Variants in FOXP2 observed in about 807,000 individuals in gnomAD.
FOXP2 encodes forkhead box protein P2.
Under a neutral mutation model 115.8 loss-of-function variants are expected in FOXP2, and 12 were observed. The observed-to-expected ratio is 0.10, with a 90% CI of 0.07 to 0.17. The LOEUF (loss-of-function observed/expected upper bound fraction) is 0.17. Ranked by LOEUF, FOXP2 falls within the 10% of genes least tolerant of loss-of-function variation. The pLI, the probability that FOXP2 is intolerant of heterozygous loss-of-function variation, is 1.00. For missense variants in FOXP2, 629 were observed against 843.5 expected (o/e 0.75, Z 3.15); for synonymous variants, 328 against 297.7 (o/e 1.10, Z -1.05).
At chr7:114,191,842 T>C (rs1367486089) in intron 1 of FOXP2, among the ~76,000 whole-genome samples, 1 of 152,160 alleles carries the variant, frequency 6.6e-6, no homozygotes, top group African/African-American at 2.4e-5. Context: ...TTTTGACAAA[T>C]GTACGATGTC....
At chr7:114,476,908 G>A (rs777306336) in intron 2 of FOXP2, among the ~76,000 whole-genome samples, 5 of 151,978 alleles carry the variant, frequency 3.3e-5, no homozygotes, top group Middle Eastern at 3.4e-3. Context: ...AAAGTGCTCA[G>A]CATCACTAAT....
intron 2 of FOXP2, among the ~76,000 whole-genome samples, chr7:114,521,532 CAAA>C (rs34666914): frequency 3.7e-5 from 3 of 82,054 alleles, no homozygotes; most frequent in South Asian, 5.2e-4. Flanking sequence ...GACACTGTCT[CAAA>C]AAAAAAAAAA....
intron 2 of FOXP2, among the ~76,000 whole-genome samples, chr7:114,433,327 CAAAT>C (rs530873862): frequency 1.3e-5 from 2 of 151,768 alleles, no homozygotes; most frequent in Non-Finnish European, 2.9e-5. Flanking sequence ...AATTTCATAT[CAAAT>C]AAATAAAATC....
At chr7:114,092,044 C>T (rs557793096) in intron 1 of FOXP2, among the ~76,000 whole-genome samples, 1 of 152,022 alleles carries the variant, frequency 6.6e-6, no homozygotes, top group South Asian at 2.1e-4. Flanking sequence ...TCTGCTGTGG[C>T]AAATTATTTT....
chr7:114,297,278 C>T (rs534549901), intron 2 of FOXP2: 43 of 528,154 alleles, frequency 8.1e-5, no homozygotes, highest in South Asian at 2.0e-4. Context: ...TCCTATGGGG[C>T]GAACCCACAC....
chr7:114,432,177 G>A (rs1438881279), intron 2 of FOXP2, among the ~76,000 whole-genome samples: 1 of 151,880 alleles, frequency 6.6e-6, no homozygotes, highest in Non-Finnish European at 1.5e-5. Flanking sequence ...ATGTCAGTTA[G>A]GAAGATACAT....
intron 2 of FOXP2, among the ~76,000 whole-genome samples, chr7:114,520,644 A>ATAGG (rs974659126): frequency 5.3e-5 from 8 of 152,108 alleles, no homozygotes; most frequent in Non-Finnish European, 1.2e-4. Context: ...AAATACAAAC[A>ATAGG]TAGGTAGGTA....
chr7:114,485,702 T>C (rs1240420345), intron 2 of FOXP2, among the ~76,000 whole-genome samples: 1 of 152,240 alleles, frequency 6.6e-6, no homozygotes, highest in Non-Finnish European at 1.5e-5. Context: ...ATTTTTGGGA[T>C]TATTCTGAGT....
At chr7:114,464,021 G>A (rs955025523) in intron 2 of FOXP2, among the ~76,000 whole-genome samples, 6 of 151,928 alleles carry the variant, frequency 3.9e-5, no homozygotes, top group Non-Finnish European at 4.4e-5. Flanking sequence ...CCATTAAAAA[G>A]GAAACAGAAT....
intron 1 of FOXP2, among the ~76,000 whole-genome samples, chr7:114,099,262 A>G (rs1336127674): frequency 6.6e-6 from 1 of 152,214 alleles, no homozygotes; most frequent in African/African-American, 2.4e-5. Flanking sequence ...GCCAACAGGT[A>G]TATGAAAAGG....
intron 2 of FOXP2, among the ~76,000 whole-genome samples, chr7:114,526,991 A>ATTTTTTTTTTTTTTTTTTTTTTT (rs200748852): frequency 1.6e-5 from 2 of 128,846 alleles, no homozygotes; most frequent in Non-Finnish European, 1.6e-5. Flanking sequence ...CCACTAATCT[A>ATTTTTTTTTTTTTTTTTTTTTTT]TTTTTTTTTT....
rs564204446 is a variant in FOXP2 at position 114,629,925 on chromosome 7, C to A, written c.517C>A (p.Gln173Lys). The A allele has an allele frequency of 4.3e-6, 7 of 1,612,736 alleles. No individual in the cohort carries two copies. In the South Asian group the frequency reaches 7.7e-5, roughly 18 times the overall value. Residue 173 changes from glutamine to lysine, a missense_variant, in exon 5 of 17, where the codon CAA becomes AAA. Physicochemically the swap from Gln to Lys is moderately conservative, Grantham distance 53. Transcript: ENST00000350908. ...GCAACAACAGCAGCAGCAACAACAA[C>A]AACAACAGCAGCAACAACAGCAGCA... ...QQQQQQQQQQQQQQQQQQQQQ... is the reference protein window; with the variant it reads ...QQQQQQQQQQKQQQQQQQQQQ...
intron 3 of FOXP2, among the ~76,000 whole-genome samples, chr7:114,603,182 G>A (rs892049127): frequency 6.6e-6 from 1 of 152,148 alleles, no homozygotes. Context: ...GGTCATCAAA[G>A]TTGAGGCTCA....
chr7:114,104,664 T>C (rs576964306), intron 1 of FOXP2, among the ~76,000 whole-genome samples: 1 of 152,050 alleles, frequency 6.6e-6, no homozygotes, highest in Non-Finnish European at 1.5e-5. Context: ...CATTTCACTA[T>C]GTGGTAGTAA....
chr7:114,559,463 T>C lies in FOXP2; in HGVS notation c.258+24757T>C, dbSNP rs959830298. Among the ~76,000 whole-genome samples, 4 of 152,192 alleles carry C rather than the reference T, an allele frequency of 2.6e-5. No individual in the cohort carries two copies. The East Asian group carries it at 7.7e-4, about 29-fold the overall frequency. On this transcript the variant is annotated intron_variant, in intron 3 of 16. Transcript: ENST00000350908. The stretch of plus-strand genomic sequence containing the variant: ...TGCGATTTCTAACAAGGGTGCCAAT[T>C]AGTGCCAGCTATGATAGCAGCTTTT...
chr7:114,241,821 C>CT (rs1795163267), intron 1 of FOXP2, among the ~76,000 whole-genome samples: 1 of 151,558 alleles, frequency 6.6e-6, no homozygotes, highest in Non-Finnish European at 1.5e-5. Flanking sequence ...TAAATTATCT[C>CT]TGTTACCATC....
chr7:114,505,748 T>A (rs1440778759), intron 2 of FOXP2, among the ~76,000 whole-genome samples: 1 of 151,566 alleles, frequency 6.6e-6, no homozygotes, highest in Non-Finnish European at 1.5e-5. Flanking sequence ...GGTTTTTGTG[T>A]GTTCAGAAGG....
chr7:114,413,582 G>C (rs1011613301), upstream of FOXP2, among the ~76,000 whole-genome samples: 4 of 152,068 alleles, frequency 2.6e-5, no homozygotes, highest in African/African-American at 9.7e-5. Context: ...CAGAGCTAAA[G>C]AATAAGTGCT....
intron 3 of FOXP2, among the ~76,000 whole-genome samples, chr7:114,564,750 A>G (rs578097579): frequency 6.6e-6 from 1 of 151,888 alleles, no homozygotes; most frequent in Non-Finnish European, 1.5e-5. Flanking sequence ...GCATGGTGGT[A>G]TGCACTTGTA....
Sources: allele counts gnomAD v4.1 joint callset (sites outside exome capture counted in the v4.1 genomes callset), GRCh38; gene constraint gnomAD v4.1.1; transcripts MANE v1.5; gene names NCBI Gene and HGNC (gene_info 2026-07-23, HGNC 2026-07-21).